Variants in LRRTM4 observed in about 807,000 individuals in gnomAD.
The protein encoded by LRRTM4 is leucine-rich repeat transmembrane neuronal protein 4.
In LRRTM4, 25 loss-of-function variants were observed where a neutral mutation model predicts 47.6. That is an observed-to-expected ratio of 0.53 (90% CI 0.38 to 0.73). The LOEUF (loss-of-function observed/expected upper bound fraction) is 0.73, where lower values mean the gene tolerates loss of function less well. Ranked by LOEUF, LRRTM4 falls within the 30% of genes least tolerant of loss-of-function variation. LRRTM4 has a pLI of 0.00. For missense variants in LRRTM4, 638 were observed against 713.4 expected, an observed-to-expected ratio of 0.89 and a Z score of 1.20; for synonymous variants, 311 against 269.5, an observed-to-expected ratio of 1.15 and a Z score of -1.51.
At chr2:77,417,104 A>G (rs555732511) in intron 3 of LRRTM4, among the ~76,000 whole-genome samples, 5 of 152,288 alleles carry the variant, frequency 3.3e-5, no homozygotes, top group Admixed American at 3.3e-4. Flanking sequence ...CACTTCTCAA[A>G]AGAAGACATT....
chr2:77,375,193 T>C (rs1672788745), intron 3 of LRRTM4, among the ~76,000 whole-genome samples: 1 of 151,810 alleles, frequency 6.6e-6, no homozygotes, highest in South Asian at 2.1e-4. Flanking sequence ...TTTAACTTAA[T>C]TTTTAAAATG....
chr2:76,786,340 A>T (rs1445397939), intron 3 of LRRTM4, among the ~76,000 whole-genome samples: 1 of 152,124 alleles, frequency 6.6e-6, no homozygotes, highest in Non-Finnish European at 1.5e-5. Flanking sequence ...CAAAGCAAAA[A>T]ATAAAAATAA....
intron 3 of LRRTM4, among the ~76,000 whole-genome samples, chr2:76,922,327 C>A (rs1040007963): frequency 6.6e-6 from 1 of 151,894 alleles, no homozygotes; most frequent in Non-Finnish European, 1.5e-5. Context: ...ATGGCAGAAG[C>A]AAAAAGGGAA....
chr2:77,138,629 G>C (rs1193073537), intron 3 of LRRTM4, among the ~76,000 whole-genome samples: 1 of 152,120 alleles, frequency 6.6e-6, no homozygotes, highest in Non-Finnish European at 1.5e-5. Context: ...GATCAGAGCA[G>C]AACTGAAGGA....
chr2:77,435,730 G>T lies in LRRTM4; in HGVS notation c.1551+82588C>A, dbSNP rs140020581. On this transcript the variant is annotated intron_variant, in intron 3 of 3. Transcript: ENST00000409884. ...CAGCCCAAAACGTTCCTCAATTCAAGATGTTAATAGTGGCAAGGCTGAGAA... is the reference window on the plus strand; with the variant it reads ...CAGCCCAAAACGTTCCTCAATTCAATATGTTAATAGTGGCAAGGCTGAGAA... 1.3e-3 allele frequency among the ~76,000 whole-genome samples: 202 copies of T among 152,198 alleles called. 1 individual carries two copies. The highest frequency in any genetic ancestry group is 4.7e-3 in the African/African-American group (195 of 41,544).
chr2:77,015,445 C>A (rs1678029329), intron 3 of LRRTM4, among the ~76,000 whole-genome samples: 1 of 152,074 alleles, frequency 6.6e-6, no homozygotes, highest in African/African-American at 2.4e-5. Flanking sequence ...AAGCAATTCT[C>A]CTGCCTCAGC....
At chr2:77,483,857 A>C (rs1422050685) in intron 3 of LRRTM4, among the ~76,000 whole-genome samples, 1 of 152,228 alleles carries the variant, frequency 6.6e-6, no homozygotes, top group Non-Finnish European at 1.5e-5. Context: ...AATAGCTTGA[A>C]TGGTAATTAA....
intron 3 of LRRTM4, among the ~76,000 whole-genome samples, chr2:76,997,840 C>T (rs1677256404): frequency 6.6e-6 from 1 of 151,920 alleles, no homozygotes; most frequent in Non-Finnish European, 1.5e-5. Context: ...CTGAGTTCCA[C>T]CTCCAATCAG....
At chr2:77,367,102 A>ATT (rs1672488493) in intron 3 of LRRTM4, among the ~76,000 whole-genome samples, 1 of 151,782 alleles carries the variant, frequency 6.6e-6, no homozygotes, top group Non-Finnish European at 1.5e-5. Flanking sequence ...CATCACCATT[A>ATT]GAGCCTGAAT....
At chr2:76,808,010 CTCCT>C (rs147946639) in intron 3 of LRRTM4, among the ~76,000 whole-genome samples, 4,261 of 127,840 alleles carry the variant, frequency 0.033, 212 homozygotes, top group African/African-American at 0.1. Flanking sequence ...TCTTTTCTCT[CTCCT>C]TCCTTCCTTC....
chr2:77,193,035 T>C (rs1371457172), intron 3 of LRRTM4, among the ~76,000 whole-genome samples: 1 of 152,206 alleles, frequency 6.6e-6, no homozygotes, highest in African/African-American at 2.4e-5. Flanking sequence ...CGTAAGATTA[T>C]AATAGAACTG....
chr2:77,354,509 C>T lies in LRRTM4; in HGVS notation c.1551+163809G>A, dbSNP rs1391629392. 3.3e-5 allele frequency among the ~76,000 whole-genome samples: 5 copies of T among 152,046 alleles called. No homozygotes were observed. The East Asian group carries it at 5.8e-4, about 18-fold the overall frequency. ...GCTATCACTAACCAACTATGTGACT[C>T]GGTAAGTTTCCCAGAAGCAAACCTT... On this transcript the variant is annotated intron_variant, in intron 3 of 3. Coordinates refer to ENST00000409884, the MANE Select transcript of LRRTM4 (RefSeq NM_001134745.3).
intron 3 of LRRTM4, among the ~76,000 whole-genome samples, chr2:76,816,819 G>GTTTTTTTTTTTTTTTTTTTTGT (rs1670910989): frequency 1.0e-5 from 1 of 96,524 alleles, no homozygotes; most frequent in African/African-American, 3.2e-5. Flanking sequence ...GAGGTAAAGA[G>GTTTTTTTTTTTTTTTTTTTTGT]TTTTTTTTTT....
intron 3 of LRRTM4, among the ~76,000 whole-genome samples, chr2:77,391,087 G>T (rs1197532327): frequency 6.6e-6 from 1 of 151,912 alleles, no homozygotes; most frequent in Non-Finnish European, 1.5e-5. Context: ...CTTTACTAAT[G>T]AATATTTAAT....
chr2:76,809,753 C>T (rs933448800), intron 3 of LRRTM4, among the ~76,000 whole-genome samples: 2 of 152,154 alleles, frequency 1.3e-5, no homozygotes, highest in Non-Finnish European at 2.9e-5. Context: ...TGCTGCCTTC[C>T]TGATGTATTT....
At chr2:76,892,473 A>C (rs1330277812) in intron 3 of LRRTM4, among the ~76,000 whole-genome samples, 1 of 151,698 alleles carries the variant, frequency 6.6e-6, no homozygotes, top group Non-Finnish European at 1.5e-5. Context: ...AGATTTTGGG[A>C]AGAACAAATA....
chr2:77,061,266 A>T (rs1254372785), intron 3 of LRRTM4, among the ~76,000 whole-genome samples: 1 of 152,174 alleles, frequency 6.6e-6, no homozygotes, highest in East Asian at 1.9e-4. Context: ...TACTTGGCCA[A>T]TCTTGAAAAT....
At chr2:77,089,514 C>T (rs1463627598) in intron 3 of LRRTM4, among the ~76,000 whole-genome samples, 3 of 151,794 alleles carry the variant, frequency 2.0e-5, no homozygotes, top group Admixed American at 1.3e-4. Flanking sequence ...ATTTCCATGC[C>T]CTGACCTCTT....
chr2:77,014,499 C>A (rs2104078891), intron 3 of LRRTM4, among the ~76,000 whole-genome samples: 1 of 112,114 alleles, frequency 8.9e-6, no homozygotes, highest in East Asian at 2.9e-4. Flanking sequence ...CATTTGTGCC[C>A]TTTCATATAT....
Sources: gnomAD v4.1 joint callset for allele counts (sites outside exome capture counted in the v4.1 genomes callset) on GRCh38, gnomAD v4.1.1 for gene constraint, MANE v1.5 for transcripts, NCBI Gene and HGNC (gene_info 2026-07-23, HGNC 2026-07-21) for gene names.